EML6: variants seen among roughly 807,000 people sequenced by gnomAD.
The protein encoded by EML6 is EMAP like 6, also known as echinoderm microtubule-associated protein-like 6.
In EML6, 154 loss-of-function variants were observed where a neutral mutation model predicts 240.1. The observed-to-expected ratio is 0.64, with a 90% confidence interval of 0.56 to 0.73. The LOEUF is 0.73. Ranked by LOEUF, EML6 falls within the 30% of genes least tolerant of loss-of-function variation. The probability of loss-of-function intolerance (pLI) is 0.00; values close to 1 mark genes in which losing one functional copy is unlikely to be tolerated. For missense variants in EML6, 2,964 were observed against 2,474.6 expected (o/e 1.20, Z -4.20); for synonymous variants, 1,148 against 899.0 (o/e 1.28, Z -4.95).
At chr2:54,806,518 C>T (rs1318367320) in intron 2 of EML6, among the ~76,000 whole-genome samples, 2 of 145,160 alleles carry the variant, frequency 1.4e-5, no homozygotes, top group Non-Finnish European at 3.0e-5. Flanking sequence ...GATGCTGAGG[C>T]AGGAGAATCG....
intron 17 of EML6, chr2:54,881,563 C>A (rs574902250): frequency 4.7e-5 from 7 of 147,838 alleles, no homozygotes; most frequent in Non-Finnish European, 7.4e-5. Flanking sequence ...GCAGGAAAAT[C>A]GCTTGAACCT....
At chr2:54,940,363 TTTTG>T (rs1440221342) in intron 28 of EML6, among the ~76,000 whole-genome samples, 4 of 152,230 alleles carry the variant, frequency 2.6e-5, no homozygotes, top group Non-Finnish European at 5.9e-5. Flanking sequence ...CAGAGATTTT[TTTTG>T]TTTGTTTTGG....
chr2:54,892,652 A>G lies in EML6; in HGVS notation c.2738A>G (p.Asp913Gly), dbSNP rs1672535241. Residue 913 changes from aspartate to glycine, a missense_variant, in exon 19 of 42, where the codon GAT becomes GGT. Asp to Gly is a moderately conservative substitution (Grantham distance 94). Coordinates refer to ENST00000356458, the MANE Select transcript of EML6 (RefSeq NM_001039753.4). ...CCTGTGTTTGCTATGTATGCACTGGATAAGGTATGGCCTGTGTATCAGCAT... is the reference window on the plus strand; with the variant it reads ...CCTGTGTTTGCTATGTATGCACTGGGTAAGGTATGGCCTGTGTATCAGCAT... Reference protein sequence around the residue: ...DGPVFAMYALDKGFVTGGKDG... With the variant: ...DGPVFAMYALGKGFVTGGKDG... 2 of 1,550,354 alleles carry G rather than the reference A, an allele frequency of 1.3e-6. No homozygotes were observed. Among genetic ancestry groups the G allele is most frequent in the Non-Finnish European group, 1.7e-6 (2 of 1,145,814 alleles).
chr2:54,896,616 A>G (rs938093014), intron 21 of EML6, among the ~76,000 whole-genome samples: 3 of 152,138 alleles, frequency 2.0e-5, no homozygotes, highest in Non-Finnish European at 4.4e-5. Flanking sequence ...TTGGAGAGAA[A>G]AGAAAATGCA....
At chr2:54,953,101 G>T (rs1386844513) in intron 31 of EML6, among the ~76,000 whole-genome samples, 1 of 152,186 alleles carries the variant, frequency 6.6e-6, no homozygotes, top group Non-Finnish European at 1.5e-5. Context: ...ACATTTATGA[G>T]AAGTTTGTTT....
chr2:54,800,628 C>G (rs1192910697), intron 2 of EML6, among the ~76,000 whole-genome samples: 1 of 152,048 alleles, frequency 6.6e-6, no homozygotes, highest in Non-Finnish European at 1.5e-5. Flanking sequence ...GGGCATTGTC[C>G]CTTACCACAG....
chr2:54,967,257 G>C (rs949308367), intron 39 of EML6, 154 bp downstream of exon 39: 72 of 549,182 alleles, frequency 1.3e-4, no homozygotes, highest in African/African-American at 1.1e-3. Context: ...TTCTTGGCTA[G>C]TCTAGTTTAG....
At chr2:54,870,378 T>C (rs1211295269) in intron 15 of EML6, among the ~76,000 whole-genome samples, 1 of 149,762 alleles carries the variant, frequency 6.7e-6, no homozygotes, top group Non-Finnish European at 1.5e-5. Context: ...CATTGGTTTA[T>C]ACATGAATTT....
Position 54,774,656 on chromosome 2 carries a change from T to C in EML6, c.198-38576T>C, listed in dbSNP as rs1225479948. 1.3e-5 allele frequency among the ~76,000 whole-genome samples: 2 copies of C among 152,210 alleles called. No homozygotes were observed. The highest frequency in any genetic ancestry group is 4.8e-5 in the African/African-American group (2 of 41,440). On this transcript the variant is annotated intron_variant, in intron 2 of 41. Coordinates refer to ENST00000356458, the MANE Select transcript of EML6 (RefSeq NM_001039753.4). This position sits in a 1 kb window ranked among gnomAD's most constrained non-coding sequence, Gnocchi z 4.1. ...CTTATGGTAAGCATCCAATCTATCTTAGATGTGGTATTAGCATTTCCCAAA... is the reference window on the plus strand; with the variant it reads ...CTTATGGTAAGCATCCAATCTATCTCAGATGTGGTATTAGCATTTCCCAAA...
chr2:54,917,727 C>T (rs929356733), intron 26 of EML6, among the ~76,000 whole-genome samples: 4 of 152,170 alleles, frequency 2.6e-5, no homozygotes, highest in East Asian at 1.9e-4. Flanking sequence ...CTCTAACAGC[C>T]GTCATCTGTA....
chr2:54,760,230 C>T (rs1667918276), intron 2 of EML6, among the ~76,000 whole-genome samples: 1 of 149,420 alleles, frequency 6.7e-6, no homozygotes, highest in African/African-American at 2.5e-5. Context: ...AATTTTAGAA[C>T]ATTCCAAATG....
intron 5 of EML6, among the ~76,000 whole-genome samples, chr2:54,822,348 T>G (rs1167060033): frequency 6.6e-6 from 1 of 152,178 alleles, no homozygotes; most frequent in Non-Finnish European, 1.5e-5. Context: ...TCCTTAGAAA[T>G]GTCAATTCTC....
At chr2:54,963,082 T>A (rs959494773) in intron 36 of EML6, among the ~76,000 whole-genome samples, 9 of 138,352 alleles carry the variant, frequency 6.5e-5, no homozygotes, top group South Asian at 2.2e-4. Context: ...ATGTTAAAGT[T>A]CATCTGGAGT....
intron 17 of EML6, among the ~76,000 whole-genome samples, chr2:54,883,044 C>A: frequency 6.9e-6 from 1 of 144,974 alleles, no homozygotes; most frequent in East Asian, 2.1e-4. Flanking sequence ...TTTTCTTTTT[C>A]ACTTTGTTTT....
At chr2:54,779,591 G>A (rs983867041) in intron 2 of EML6, among the ~76,000 whole-genome samples, 10 of 150,980 alleles carry the variant, frequency 6.6e-5, no homozygotes, top group Admixed American at 1.3e-4. Context: ...GCCTGGTGTG[G>A]TAGCTTACAC....
chr2:54,888,759 T>G (rs909025193), intron 17 of EML6, among the ~76,000 whole-genome samples: 1 of 152,236 alleles, frequency 6.6e-6, no homozygotes, highest in African/African-American at 2.4e-5. Flanking sequence ...TGTTTACCCA[T>G]TCACCTGCTG....
intron 9 of EML6, among the ~76,000 whole-genome samples, chr2:54,849,741 G>C (rs745487665): frequency 6.6e-6 from 1 of 152,198 alleles, no homozygotes; most frequent in African/African-American, 2.4e-5. Context: ...GTCTGCCTCG[G>C]CCTCCCAAAG....
At chr2:54,956,424 T>C (rs2104511373) in intron 32 of EML6, among the ~76,000 whole-genome samples, 1 of 152,352 alleles carries the variant, frequency 6.6e-6, no homozygotes. Context: ...TTATAATTTG[T>C]AGTTCCTTAT....
chr2:54,818,866 ATGAATTAT>A (rs1668197220), intron 4 of EML6, among the ~76,000 whole-genome samples: 1 of 152,236 alleles, frequency 6.6e-6, no homozygotes, highest in Non-Finnish European at 1.5e-5. Context: ...TGATACCAGT[ATGAATTAT>A]TGACTGCTTA....
Sources: gnomAD v4.1 joint callset for allele counts (sites outside exome capture counted in the v4.1 genomes callset) on GRCh38, gnomAD v4.1.1 for gene constraint, Gnocchi (gnomAD v3.1) non-coding constraint, MANE v1.5 for transcripts, NCBI Gene and HGNC (gene_info 2026-07-23, HGNC 2026-07-21) for gene names.